The following ATP2B2 variants were observed in gnomAD, a reference collection of about 807,000 sequenced individuals.
ATP2B2 encodes the protein plasma membrane calcium-transporting ATPase 2.
In ATP2B2, 15 loss-of-function variants were observed where a neutral mutation model predicts 120.0. That is an observed-to-expected ratio of 0.12 (90% confidence interval 0.08 to 0.19). The LOEUF is 0.19. Among genes scored for constraint, ATP2B2 ranks in the 10% least tolerant of loss-of-function variants. The pLI is 1.00. For missense variants in ATP2B2, 1,045 were observed against 1,719.8 expected, an observed-to-expected ratio of 0.61 and a Z score of 6.94; for synonymous variants, 694 against 700.3, an observed-to-expected ratio of 0.99 and a Z score of 0.14.
intron 2 of ATP2B2, among the ~76,000 whole-genome samples, chr3:10,596,378 A>T (rs778842984): frequency 2.0e-5 from 3 of 152,274 alleles, no homozygotes; most frequent in Admixed American, 6.5e-5. Flanking sequence ...TGTGCAGTGT[A>T]GACACTTAAT....
At chr3:10,543,991 G>A (rs572487264) in intron 2 of ATP2B2, among the ~76,000 whole-genome samples, 3 of 152,176 alleles carry the variant, frequency 2.0e-5, no homozygotes, top group East Asian at 1.9e-4. Context: ...CGCTTGCCTC[G>A]GCCTCCCAAA....
chr3:10,471,363 CCTGTGT>C (rs1318048231), intron 1 of ATP2B2, among the ~76,000 whole-genome samples: 2 of 81,664 alleles, frequency 2.4e-5, no homozygotes, highest in Non-Finnish European at 6.3e-5. Flanking sequence ...GTTCAGGAAA[CCTGTGT>C]GTGTGTGTGT....
chr3:10,647,339 G>A (rs2070347408), intron 1 of ATP2B2, among the ~76,000 whole-genome samples: 1 of 152,168 alleles, frequency 6.6e-6, no homozygotes, highest in African/African-American at 2.4e-5. Flanking sequence ...GGATGGGAAA[G>A]GGTGCTGACA....
Position 10,394,787 on chromosome 3 carries a change from C to T in ATP2B2, c.781+6166G>A, listed in dbSNP as rs187127622. 9.2e-5 allele frequency among the ~76,000 whole-genome samples: 14 copies of T among 151,712 alleles called. No homozygotes were observed. In the East Asian group the frequency reaches 1.2e-3, roughly 13 times the overall value. On this transcript the variant is annotated intron_variant, in intron 5 of 22. Transcript: ENST00000360273. ...GCAGGGGGAAGGGAGGAGGGTGTGT[C>T]GGGGTCTCGCGGGGGTTGAGCCATC... is the stretch of plus-strand genomic sequence containing the variant.
At chr3:10,471,392 GTGTGTGTT>G (rs1260631615) in intron 1 of ATP2B2, among the ~76,000 whole-genome samples, 2 of 148,576 alleles carry the variant, frequency 1.3e-5, no homozygotes, top group East Asian at 2.0e-4. Context: ...GTGTGTGTGT[GTGTGTGTT>G]TGTGTGCGTG....
intron 1 of ATP2B2, among the ~76,000 whole-genome samples, chr3:10,671,121 T>C (rs1200924958): frequency 6.6e-6 from 1 of 152,248 alleles, no homozygotes; most frequent in Non-Finnish European, 1.5e-5. Context: ...ATCAGCAGGC[T>C]GGCCTGAATC....
intron 1 of ATP2B2, among the ~76,000 whole-genome samples, chr3:10,471,291 C>A (rs538914730): frequency 2.0e-5 from 3 of 152,256 alleles, no homozygotes; most frequent in Admixed American, 6.5e-5. Context: ...GGGCCAATCC[C>A]ACCCTCTTCC....
intron 1 of ATP2B2, among the ~76,000 whole-genome samples, chr3:10,471,791 T>A: frequency 6.6e-6 from 1 of 152,102 alleles, no homozygotes; most frequent in Non-Finnish European, 1.5e-5. Context: ...TTTAAAAAAA[T>A]TAATAATAAT....
chr3:10,686,311 G>A (rs898098488), intron 1 of ATP2B2, among the ~76,000 whole-genome samples: 1 of 152,108 alleles, frequency 6.6e-6, no homozygotes, highest in Admixed American at 6.5e-5. Flanking sequence ...GGACACCCAT[G>A]AGTATCTGTG....
intron 1 of ATP2B2, among the ~76,000 whole-genome samples, chr3:10,504,451 C>T (rs892623251): frequency 6.6e-6 from 1 of 152,114 alleles, no homozygotes; most frequent in Non-Finnish European, 1.5e-5. Context: ...GCCGGCTGGT[C>T]GGGCTTGCCT....
chr3:10,707,545 G>C (rs936885116), intron 1 of ATP2B2, among the ~76,000 whole-genome samples: 2 of 152,216 alleles, frequency 1.3e-5, no homozygotes, highest in African/African-American at 4.8e-5. Context: ...AGCCATCTGG[G>C]AAGAAGAAAT....
intron 22 of ATP2B2, chr3:10,330,182 C>T (rs1342457382): frequency 6.5e-6 from 1 of 154,604 alleles, no homozygotes. Context: ...TTGTGAACCA[C>T]ACGTCCTGGG....
chr3:10,590,955 G>T (rs1252573430), intron 2 of ATP2B2, among the ~76,000 whole-genome samples: 1 of 152,016 alleles, frequency 6.6e-6, no homozygotes, highest in Non-Finnish European at 1.5e-5. Flanking sequence ...ACTTCCTACT[G>T]AAGGCTCCAA....
chr3:10,701,982 C>G (rs954593411), intron 1 of ATP2B2, among the ~76,000 whole-genome samples: 2 of 152,072 alleles, frequency 1.3e-5, no homozygotes, highest in Non-Finnish European at 2.9e-5. Flanking sequence ...TTTGGGTACT[C>G]CTTGTTCTTC....
chr3:10,336,288 T>C, intron 22 of ATP2B2: 1 of 1,550,526 alleles, frequency 6.4e-7, no homozygotes, highest in East Asian at 2.4e-5. Context: ...TTGAAAGTAT[T>C]GACTACTTCA....
chr3:10,603,536 C>T (rs183259760), intron 2 of ATP2B2, among the ~76,000 whole-genome samples: 2 of 152,306 alleles, frequency 1.3e-5, no homozygotes, highest in East Asian at 3.9e-4. Flanking sequence ...CTTAGCAAAG[C>T]CTTTGCTTCT....
chr3:10,645,807 A>C (rs1039634040), intron 1 of ATP2B2, among the ~76,000 whole-genome samples: 1 of 152,110 alleles, frequency 6.6e-6, no homozygotes, highest in Admixed American at 6.5e-5. Flanking sequence ...GTTCCCTTTC[A>C]TTCTCAAATG....
chr3:10,385,166 G>A (rs1038121305), intron 8 of ATP2B2, 102 bp downstream of exon 8: 32 of 1,195,178 alleles, frequency 2.7e-5, no homozygotes, highest in Non-Finnish European at 3.8e-5. Context: ...ATGCACATCC[G>A]AGATCTGTGC....
At chr3:10,415,779 A>T (rs1197833322) in intron 2 of ATP2B2, among the ~76,000 whole-genome samples, 1 of 152,244 alleles carries the variant, frequency 6.6e-6, no homozygotes, top group Non-Finnish European at 1.5e-5. Context: ...TGTGTCAAAG[A>T]TTACCGGACA....
Sources: allele counts gnomAD v4.1 joint callset (sites outside exome capture counted in the v4.1 genomes callset), GRCh38; gene constraint gnomAD v4.1.1; transcripts MANE v1.5; gene names NCBI Gene and HGNC (gene_info 2026-07-23, HGNC 2026-07-21).